IZUMO2: variants seen among roughly 807,000 people sequenced by gnomAD.
IZUMO2 encodes the protein izumo sperm-egg fusion protein 2.
A neutral mutation model predicts 31.2 loss-of-function variants in IZUMO2; 24 were observed. The ratio of observed to expected loss-of-function variants is 0.77; its 90% CI spans 0.56 to 1.08. The LOEUF is 1.08. IZUMO2 is among the 50% of genes least tolerant of loss of function. The probability of loss-of-function intolerance (pLI) is 0.00; values close to 1 mark genes in which losing one functional copy is unlikely to be tolerated. For missense variants in IZUMO2, 278 were observed against 274.0 expected (o/e 1.01, Z -0.10); for synonymous variants, 144 against 117.3 (o/e 1.23, Z -1.47).
At chr19:50,160,995 A>C (rs1408112693) in intron 2 of IZUMO2, among the ~76,000 whole-genome samples, 1 of 151,816 alleles carries the variant, frequency 6.6e-6, no homozygotes, top group African/African-American at 2.4e-5. Flanking sequence ...CCAAAACTGA[A>C]CCCTCGTTAT....
At chr19:50,162,118 A>G (rs2030419969) in intron 2 of IZUMO2, among the ~76,000 whole-genome samples, 1 of 151,992 alleles carries the variant, frequency 6.6e-6, no homozygotes, top group Non-Finnish European at 1.5e-5. Context: ...CCTCGTCTCT[A>G]CTAAAAATAC....
Position 50,152,597 on chromosome 19 carries a change from CA to C in IZUMO2, c.*11del. The C allele has an allele frequency of 2.5e-6, 4 of 1,611,390 alleles. 1 individual carries two copies. The South Asian group carries it at 4.4e-5, about 18-fold the overall frequency. ...ATTTATTTTCCTTTCTCCTTACCCCCAAACCACCGTCCTACTGCAGCAGGAG... is the reference window on the plus strand; with the variant it reads ...ATTTATTTTCCTTTCTCCTTACCCCCAACCACCGTCCTACTGCAGCAGGAG... On this transcript the variant is annotated 3_prime_UTR_variant, in exon 7 of 7. Transcript: ENST00000293405.
Position 50,152,662 on chromosome 19 carries a change from A to G in IZUMO2, c.624-11T>C. The G allele has an allele frequency of 1.2e-6, 2 of 1,609,914 alleles. No individual in the cohort carries two copies. Among genetic ancestry groups the G allele is most frequent in the Non-Finnish European group, 1.7e-6 (2 of 1,176,196 alleles). ...CTGTATGTACAAGCCCTGGTCAGAG[A>G]GAAAAAGCCTGTAGATTAGAATGAG... On this transcript the variant is annotated splice_polypyrimidine_tract_variant and intron_variant, in intron 6 of 6. Transcript: ENST00000293405.
At chr19:50,156,799 G>C (rs930502302) in intron 5 of IZUMO2, among the ~76,000 whole-genome samples, 2 of 152,066 alleles carry the variant, frequency 1.3e-5, no homozygotes, top group African/African-American at 4.8e-5. Flanking sequence ...AACTGTTCTA[G>C]ATTTTAAAAA....
intron 6 of IZUMO2, among the ~76,000 whole-genome samples, chr19:50,154,278 T>TG (rs1568436770): frequency 1.4e-5 from 2 of 138,112 alleles, no homozygotes; most frequent in Admixed American, 7.2e-5. Flanking sequence ...TTTTTTTTTT[T>TG]TTTTTTTTTT....
In IZUMO2 at chr19:50,159,242, G is replaced by C. The variant is rs2030315463; in HGVS notation, c.403C>G (p.Pro135Ala). 1.2e-6 allele frequency: 2 copies of C among 1,611,264 alleles called. No individual in the cohort carries two copies. The highest frequency in any genetic ancestry group is 2.7e-5 in the African/African-American group (2 of 74,988). The change falls in exon 4 of 7, where the codon CCC becomes GCC. Residue 135 changes from proline to alanine, a missense_variant. Physicochemically the swap from Pro to Ala is conservative, Grantham distance 27. Coordinates refer to ENST00000293405, the MANE Select transcript of IZUMO2 (RefSeq NM_152358.3). Reference sequence around the variant, plus strand: ...ATCCAGAACTCACGGCAAAGTTTGGGGTTGCAGGCTGCAAGAGAAAATTGC... The same window carrying C: ...ATCCAGAACTCACGGCAAAGTTTGGCGTTGCAGGCTGCAAGAGAAAATTGC... ...LISYELKACN[P>A]KLCRLLKEEV...
Position 50,163,038 on chromosome 19 carries a change from C to T in IZUMO2, c.157G>A (p.Ala53Thr), listed in dbSNP as rs545804811. Residue 53 changes from alanine (A) to threonine (T), a missense_variant, in exon 1 of 7, where the codon GCC becomes ACC. Ala to Thr is a moderately conservative substitution (Grantham distance 58). Coordinates refer to ENST00000293405, the MANE Select transcript of IZUMO2 (RefSeq NM_152358.3). ...TCCATGCCCATCAGCACGGCCCCGG[C>T]GCGCGCCTGCAGCTGCTCCAACTGG... ...RFQLEQLQAR[A>T]GAVLMGMEGP... is the part of the protein sequence containing the mutation. 5.0e-6 allele frequency: 8 copies of T among 1,612,774 alleles called. No homozygotes were observed. In the Admixed American group the frequency reaches 1.2e-4, roughly 24 times the overall value.
At position 50,154,668 on chromosome 19, in the gene IZUMO2, G is replaced by A. The variant is rs1418350235; in HGVS notation, c.555C>T (p.Asn185=). ...AAATGAGGATGCCCAACAGCGCCTG[G>A]TTCCTCGGGTATTTGCTGTCCATCT... ...QYQMDSKYPR[N]QALLGILISV... The change falls in exon 6 of 7, where the codon AAC becomes AAT. Residue 185 remains asparagine, a synonymous_variant. Transcript: ENST00000293405. The A allele has an allele frequency of 1.9e-6, 3 of 1,613,942 alleles. No individual in the cohort carries two copies. Among genetic ancestry groups the A allele is most frequent in the Non-Finnish European group, 2.5e-6 (3 of 1,180,006 alleles).
rs1600817184 is a variant in IZUMO2 at position 50,163,159 on chromosome 19, GC to G, written c.35del (p.Gly12AlafsTer46). 3.2e-6 allele frequency: 5 copies of G among 1,565,754 alleles called. No individual in the cohort carries two copies. The African/African-American group carries it at 6.8e-5, about 21-fold the overall frequency. ...PLALTLLLLSGLGAPGGWGCL... is the reference protein window; with the variant it reads ...PLALTLLLLSXLGAPGGWGCL... ...AGCCCCAGCCTCCGGGGGCGCCCAAGCCCGAGAGCAGCAGAAGGGTCAAAGC... is the reference window on the plus strand; with the variant it reads ...AGCCCCAGCCTCCGGGGGCGCCCAAGCCGAGAGCAGCAGAAGGGTCAAAGC... On this transcript the variant is annotated frameshift_variant, in exon 1 of 7. Coordinates refer to ENST00000293405, the MANE Select transcript of IZUMO2 (RefSeq NM_152358.3). LOFTEE classifies it high-confidence loss of function.
chr19:50,162,917 G>A (rs767984236), intron 1 of IZUMO2, 46 bp downstream of exon 1: 3 of 1,607,786 alleles, frequency 1.9e-6, no homozygotes, highest in Admixed American at 3.3e-5. Flanking sequence ...CGTGGTCTCC[G>A]GCATCCCTCG....
intron 4 of IZUMO2, 55 bp downstream of exon 4, chr19:50,159,175 G>C: frequency 6.3e-7 from 1 of 1,575,440 alleles, no homozygotes; most frequent in East Asian, 2.3e-5. Flanking sequence ...TGGGGAGACA[G>C]GGTGAAGGGG....
rs1262838532 is a variant in IZUMO2 at position 50,157,910 on chromosome 19, T to TCAAA, written c.496+357_496+358insTTTG. Among the ~76,000 whole-genome samples the TCAAA allele has an allele frequency of 1.3e-4, 14 of 110,852 alleles. No individual in the cohort carries two copies. The South Asian group carries it at 3.2e-3, about 25-fold the overall frequency. 72.7% of individuals were successfully genotyped at this position (110,852 alleles called of 152,430 possible). A position where few individuals can be genotyped will look rare whatever the true frequency, so the allele number is the denominator to read the frequency against. On this transcript the variant is annotated intron_variant, in intron 5 of 6. Coordinates refer to ENST00000293405, the MANE Select transcript of IZUMO2 (RefSeq NM_152358.3). Reference sequence around the variant, plus strand: ...ACTCCAGCCTGGGCGAGAATCCATATAAAAAAAAAAAAAAAAGAATGTATG... The same window carrying TCAAA: ...ACTCCAGCCTGGGCGAGAATCCATATCAAAAAAAAAAAAAAAAAAAGAATGTATG...
In IZUMO2 at chr19:50,163,249, G is replaced by A; in HGVS notation, c.-55C>T. On this transcript the variant is annotated 5_prime_UTR_variant, in exon 1 of 7. Coordinates refer to ENST00000293405, the MANE Select transcript of IZUMO2 (RefSeq NM_152358.3). ...ACCCGGCCCGCCCCGCCTCCCAGGC[G>A]AGGGCGCGGTCAGGAGGCCCAGGGA... is the stretch of plus-strand genomic sequence containing the variant. The A allele has an allele frequency of 1.4e-6, 2 of 1,394,208 alleles. No homozygotes were observed. Among genetic ancestry groups the A allele is most frequent in the South Asian group, 1.3e-5 (1 of 79,142 alleles). 86.4% of individuals were successfully genotyped at this position (1,394,208 alleles called of 1,614,324 possible).
At chr19:50,153,295 C>T (rs1427472853) in intron 6 of IZUMO2, among the ~76,000 whole-genome samples, 1 of 152,176 alleles carries the variant, frequency 6.6e-6, no homozygotes, top group African/African-American at 2.4e-5. Flanking sequence ...CCAACTTTGC[C>T]AACCTCTTGA....
chr19:50,159,768 C>T (rs1039788991), intron 2 of IZUMO2, among the ~76,000 whole-genome samples, 188 bp from the exon 3 acceptor site: 2 of 152,178 alleles, frequency 1.3e-5, no homozygotes, highest in Admixed American at 6.5e-5. Context: ...TTCTGATTCA[C>T]CGTGGGGCCT....
rs775396414 is a variant in IZUMO2 at position 50,152,611 on chromosome 19, A to G, written c.664T>C (p.Ter222GlnextTer?). Residue 222 changes from the stop codon to glutamine (Q), a stop_lost, in exon 7 of 7, where the codon TAG becomes CAG. Coordinates refer to ENST00000293405, the MANE Select transcript of IZUMO2 (RefSeq NM_152358.3). ...YRQNRKLLLQ[*>Q] ...CTCCTTACCCCCAAACCACCGTCCT[A>G]CTGCAGCAGGAGTTTTCGGTTTTGT... The G allele has an allele frequency of 6.8e-6, 11 of 1,611,078 alleles. No homozygotes were observed. Among genetic ancestry groups the G allele is most frequent in the Non-Finnish European group, 9.3e-6 (11 of 1,177,272 alleles).
chr19:50,161,880 T>C (rs1288532980), intron 2 of IZUMO2, among the ~76,000 whole-genome samples: 1 of 152,242 alleles, frequency 6.6e-6, no homozygotes, highest in Non-Finnish European at 1.5e-5. Context: ...TGAGCAGGCC[T>C]GGGTTGTCCC....
intron 6 of IZUMO2, among the ~76,000 whole-genome samples, 173 bp downstream of exon 6, chr19:50,154,427 G>A (rs1235908717): frequency 4.6e-5 from 7 of 150,842 alleles, no homozygotes; most frequent in African/African-American, 1.7e-4. Flanking sequence ...TACGGGGCAG[G>A]GGGCGGGAGG....
chr19:50,159,484 T>G lies in IZUMO2; in HGVS notation c.394+10A>C, dbSNP rs1409097010. On this transcript the variant is annotated intron_variant, in intron 3 of 6. Coordinates refer to ENST00000293405, the MANE Select transcript of IZUMO2 (RefSeq NM_152358.3). ...AGAGGAGAGGGGATTGGTGGAGAGA[T>G]ATGCTGCACCTTTTAATTCATATGA... 26 of 1,576,282 alleles carry G rather than the reference T, an allele frequency of 1.6e-5. No homozygotes were observed. The South Asian group carries it at 2.9e-4, about 17-fold the overall frequency.
Sources: gnomAD v4.1 joint callset for allele counts (sites outside exome capture counted in the v4.1 genomes callset) on GRCh38, gnomAD v4.1.1 for gene constraint, MANE v1.5 for transcripts, NCBI Gene and HGNC (gene_info 2026-07-23, HGNC 2026-07-21) for gene names.